The following JUP variants were observed in gnomAD, a reference collection of about 807,000 sequenced individuals.
The protein encoded by JUP is junction plakoglobin.
Under a neutral mutation model 71.1 loss-of-function variants are expected in JUP, and 28 were observed. The ratio of observed to expected loss-of-function variants is 0.39; its 90% CI spans 0.29 to 0.54. The LOEUF is 0.54. JUP is among the 20% of genes least tolerant of loss of function. JUP has a pLI of 0.62. For missense variants in JUP, 869 were observed against 1,030.1 expected (o/e 0.84, Z 2.14); for synonymous variants, 401 against 438.9 (o/e 0.91, Z 1.08).
At chr17:41,775,464 T>C (rs934151602) in intron 1 of JUP, among the ~76,000 whole-genome samples, 7 of 152,140 alleles carry the variant, frequency 4.6e-5, no homozygotes, top group Admixed American at 2.0e-4. Context: ...AAGTGCTGGT[T>C]TTACAGTTCC....
chr17:41,762,733 G>A (rs560580343), intron 8 of JUP, among the ~76,000 whole-genome samples: 2 of 152,266 alleles, frequency 1.3e-5, no homozygotes, highest in South Asian at 4.1e-4. Context: ...ACCACCCAGG[G>A]TACTCATGTG....
At chr17:41,769,922 T>G (rs1916384245) in intron 2 of JUP, among the ~76,000 whole-genome samples, 1 of 151,834 alleles carries the variant, frequency 6.6e-6, no homozygotes, top group Non-Finnish European at 1.5e-5. Context: ...TTTTTTTTTT[T>G]GCACACTTAT....
intron 1 of JUP, among the ~76,000 whole-genome samples, chr17:41,783,724 G>T (rs1277014644): frequency 1.1e-4 from 16 of 151,768 alleles, no homozygotes; most frequent in Admixed American, 7.9e-4. Flanking sequence ...ATCAAGACCA[G>T]CCTGCGCAAC....
chr17:41,781,628 C>T (rs2047172228), intron 1 of JUP, among the ~76,000 whole-genome samples: 1 of 152,198 alleles, frequency 6.6e-6, no homozygotes, highest in South Asian at 2.1e-4. Flanking sequence ...TCACAGGGGT[C>T]ACAGGACCAG....
At chr17:41,785,996 C>T (rs2047438338) in intron 1 of JUP, 1 of 152,238 alleles carries the variant, frequency 6.6e-6, no homozygotes, top group Non-Finnish European at 1.5e-5. Context: ...AGGGCAGGGC[C>T]TCTGGACTCC....
At chr17:41,757,880 GC>G in intron 10 of JUP, 96 bp from the exon 11 acceptor site, 1 of 1,058,662 alleles carries the variant, frequency 9.4e-7, no homozygotes, top group Non-Finnish European at 1.4e-6. Context: ...CCACCCTGTA[GC>G]AATTCCATAG....
rs1252422086 is a variant in JUP at position 41,764,729 on chromosome 17, T to C, written c.1142A>G (p.Asp381Gly). The change falls in exon 7 of 14, where the codon GAT becomes GGT. Residue 381 changes from aspartate (D) to glycine (G), a missense_variant. By Grantham distance (94) the Asp-to-Gly change is moderately conservative. Coordinates refer to ENST00000393931, the MANE Select transcript of JUP (RefSeq NM_002230.4). ...NCLWTLRNLSDVATKQEGLES... is the reference protein window; with the variant it reads ...NCLWTLRNLSGVATKQEGLES... The stretch of plus-strand genomic sequence containing the variant: ...CTCCCTCACCTGCTTGGTGGCCACA[T>C]CTGAGAGGTTGCGCAGGGTCCACAG... 6.2e-7 allele frequency: 1 copy of C among 1,612,618 alleles called. No homozygotes were observed. Among genetic ancestry groups the C allele is most frequent in the African/African-American group, 1.3e-5 (1 of 74,748 alleles).
rs1287470595 is a variant in JUP at position 41,767,500 on chromosome 17, G to A, written c.788C>T (p.Ala263Val). ...TTGCAGCCCGTCGGCCAGGCGCACGGCCATCTTGGCGCCCTCCTGGTACAG... is the reference window on the plus strand; with the variant it reads ...TTGCAGCCCGTCGGCCAGGCGCACGACCATCTTGGCGCCCTCCTGGTACAG... ...LLLYQEGAKM[A>V]VRLADGLQKM... Residue 263 changes from alanine (A) to valine (V), a missense_variant, in exon 5 of 14, where the codon GCC (alanine) becomes GTC (valine). Ala to Val is a moderately conservative substitution (Grantham distance 64). Coordinates refer to ENST00000393931, the MANE Select transcript of JUP (RefSeq NM_002230.4). 6.8e-6 allele frequency: 11 copies of A among 1,611,496 alleles called. 1 individual carries two copies. The Middle Eastern group carries it at 4.9e-4, about 72-fold the overall frequency.
chr17:41,767,702 T>C, intron 4 of JUP, 122 bp from the exon 5 acceptor site: 2 of 758,576 alleles, frequency 2.6e-6, no homozygotes, highest in East Asian at 2.7e-5. Flanking sequence ...TCTGGAAATA[T>C]CCCTTTGCTA....
intron 1 of JUP, chr17:41,772,999 C>T: frequency 1.0e-6 from 1 of 985,540 alleles, no homozygotes; most frequent in South Asian, 4.7e-5. Flanking sequence ...CACCGTCATG[C>T]TCATGGGCGG....
At chr17:41,774,078 C>T (rs1917078249) in intron 1 of JUP, among the ~76,000 whole-genome samples, 1 of 152,084 alleles carries the variant, frequency 6.6e-6, no homozygotes. Context: ...AGGGTCACCC[C>T]TTGCCGGCCT....
At position 41,754,718 on chromosome 17, in the gene JUP, C is replaced by A. The variant is rs187950810; in HGVS notation, c.*1026G>T. The A allele has an allele frequency of 6.5e-6, 1 of 152,876 alleles. No homozygotes were observed. Among genetic ancestry groups the A allele is most frequent in the Non-Finnish European group, 1.5e-5 (1 of 68,244 alleles). 9.5% of individuals were successfully genotyped at this position (152,876 alleles called of 1,614,324 possible). ...TCTGCTTGGACCTCCCCCAGCCCCC[C>A]ACACCATGTGCGGGAAATGGGGGGG... is the stretch of plus-strand genomic sequence containing the variant. On this transcript the variant is annotated 3_prime_UTR_variant, in exon 14 of 14. Coordinates refer to ENST00000393931, the MANE Select transcript of JUP (RefSeq NM_002230.4).
intron 1 of JUP, chr17:41,785,139 G>T (rs1419516520): frequency 6.6e-6 from 1 of 152,128 alleles, no homozygotes; most frequent in African/African-American, 2.4e-5. Context: ...GGTCTGTGCA[G>T]GCCTCCAGAA....
chr17:41,772,742 T>C, intron 1 of JUP: 1 of 923,726 alleles, frequency 1.1e-6, no homozygotes, highest in Non-Finnish European at 1.3e-6. Context: ...AGGCTAGGGA[T>C]CTGGGGTGGG....
At chr17:41,759,413 C>A (rs149619168) in intron 8 of JUP, among the ~76,000 whole-genome samples, 2 of 152,102 alleles carry the variant, frequency 1.3e-5, no homozygotes, top group Admixed American at 1.3e-4. Context: ...TAAAATGACA[C>A]CCCATTCCAG....
At chr17:41,765,553 A>G (rs1281262592) in intron 5 of JUP, among the ~76,000 whole-genome samples, 1 of 151,368 alleles carries the variant, frequency 6.6e-6, no homozygotes, top group Non-Finnish European at 1.5e-5. Context: ...GGGTTTCACT[A>G]TGTTGGCCAG....
At chr17:41,772,993 G>GTCA in intron 1 of JUP, 1 of 985,524 alleles carries the variant, frequency 1.0e-6, no homozygotes, top group African/African-American at 1.7e-5. Context: ...CACAGACACC[G>GTCA]TCATGCTCAT....
chr17:41,772,826 T>TA (rs1362822217), intron 1 of JUP: 6 of 985,316 alleles, frequency 6.1e-6, no homozygotes, highest in Non-Finnish European at 7.2e-6. Flanking sequence ...ACCTGAAGGT[T>TA]AATGAGTAGC....
At chr17:41,771,497 C>T in intron 2 of JUP, 150 bp downstream of exon 2, 1 of 690,052 alleles carries the variant, frequency 1.4e-6, no homozygotes, top group African/African-American at 1.8e-5. Flanking sequence ...TGCACCTCCT[C>T]CTTCAGACTG....
Sources: gnomAD v4.1 joint callset for allele counts (sites outside exome capture counted in the v4.1 genomes callset) on GRCh38, gnomAD v4.1.1 for gene constraint, MANE v1.5 for transcripts, NCBI Gene and HGNC (gene_info 2026-07-23, HGNC 2026-07-21) for gene names.